Variants in HTRA4 observed in about 807,000 individuals in gnomAD.
HTRA4 encodes the protein HtrA serine peptidase 4, also known as serine protease HTRA4.
In HTRA4, 46 loss-of-function variants were observed where a neutral mutation model predicts 49.1. That is an observed-to-expected ratio of 0.94 (90% CI 0.74 to 1.20). The LOEUF is 1.20. HTRA4 is among the 50% of genes most tolerant of loss of function. The pLI is 0.00. For missense variants in HTRA4, 602 were observed against 636.9 expected (o/e 0.95, Z 0.59); for synonymous variants, 261 against 264.0 (o/e 0.99, Z 0.11).
chr8:38,978,906 A>T (rs1835385415), intron 4 of HTRA4, among the ~76,000 whole-genome samples: 1 of 151,592 alleles, frequency 6.6e-6, no homozygotes, highest in Non-Finnish European at 1.5e-5. Context: ...GAGGCAGGAG[A>T]ATCACTTGAA....
At chr8:38,987,081 A>G (rs1308512187) in intron 8 of HTRA4, among the ~76,000 whole-genome samples, 1 of 144,716 alleles carries the variant, frequency 6.9e-6, no homozygotes, top group East Asian at 2.0e-4. Flanking sequence ...GTCTCTTCAT[A>G]TCCTCTTGCG....
rs1446654600 is a variant in HTRA4, at chr8:38,988,181, G to T, written c.*83G>T. 3.1e-6 allele frequency: 4 copies of T among 1,283,176 alleles called. No homozygotes were observed. Among genetic ancestry groups the T allele is most frequent in the Non-Finnish European group, 4.1e-6 (4 of 966,122 alleles). The allele number at this position is 1,283,176 out of a possible 1,614,324, so 79.5% of individuals were successfully genotyped here. A position where few individuals can be genotyped will look rare whatever the true frequency, so the allele number is the denominator to read the frequency against. On this transcript the variant is annotated 3_prime_UTR_variant, in exon 9 of 9. Coordinates refer to ENST00000302495, the MANE Select transcript of HTRA4 (RefSeq NM_153692.4). The stretch of plus-strand genomic sequence containing the variant: ...TTTGTATTGGAGATGTGCCAAACAT[G>T]GCAAGAAGTTTTTGGATCTTTTTCT...
chr8:38,977,253 A>G (rs1192612679), intron 3 of HTRA4, among the ~76,000 whole-genome samples: 2 of 146,066 alleles, frequency 1.4e-5, no homozygotes, highest in Non-Finnish European at 3.0e-5. Flanking sequence ...GTTTCTATTA[A>G]CTATCAAGCA....
chr8:38,988,228 A>T lies in HTRA4; in HGVS notation c.*130A>T. On this transcript the variant is annotated 3_prime_UTR_variant, in exon 9 of 9. Transcript: ENST00000302495. Reference sequence around the variant, plus strand: ...TTCTTACAAAGAAAAATGGATGGTTATCAACCCAAATGCCCATCAATGACA... The same window carrying T: ...TTCTTACAAAGAAAAATGGATGGTTTTCAACCCAAATGCCCATCAATGACA... The T allele has an allele frequency of 1.3e-6, 1 of 751,744 alleles. No homozygotes were observed. The highest frequency in any genetic ancestry group is 2.1e-6 in the Non-Finnish European group (1 of 482,518). The allele number at this position is 751,744 out of a possible 1,614,324, so 46.6% of individuals were successfully genotyped here. A position where few individuals can be genotyped will look rare whatever the true frequency, so the allele number is the denominator to read the frequency against.
Position 38,988,221 on chromosome 8 carries a change from G to T in HTRA4, c.*123G>T. 1 of 866,008 alleles carries T rather than the reference G, an allele frequency of 1.2e-6. No individual in the cohort carries two copies. Among genetic ancestry groups the T allele is most frequent in the Non-Finnish European group, 1.7e-6 (1 of 586,028 alleles). 53.6% of individuals were successfully genotyped at this position (866,008 alleles called of 1,614,324 possible). ...GATCTTTTTCTTACAAAGAAAAATG[G>T]ATGGTTATCAACCCAAATGCCCATC... On this transcript the variant is annotated 3_prime_UTR_variant, in exon 9 of 9. Coordinates refer to ENST00000302495, the MANE Select transcript of HTRA4 (RefSeq NM_153692.4).
At chr8:38,986,505 G>A (rs1467082999) in intron 8 of HTRA4, among the ~76,000 whole-genome samples, 1 of 152,160 alleles carries the variant, frequency 6.6e-6, no homozygotes, top group Non-Finnish European at 1.5e-5. Context: ...CTGACCTCAG[G>A]TGATCCACAC....
chr8:38,982,913 A>C, intron 7 of HTRA4, 40 bp from the exon 8 acceptor site: 1 of 1,399,728 alleles, frequency 7.1e-7, no homozygotes, highest in Non-Finnish European at 1.0e-6. Context: ...AGGGCTCAGG[A>C]GACTAATTCA....
intron 8 of HTRA4, 46 bp downstream of exon 8, chr8:38,983,094 A>G (rs1158455618): frequency 3.1e-6 from 4 of 1,284,246 alleles, no homozygotes; most frequent in Non-Finnish European, 4.5e-6. Context: ...CTTTTTCTAA[A>G]TGTGTGCCAT....
chr8:38,978,792 C>T (rs564211871), intron 4 of HTRA4, among the ~76,000 whole-genome samples: 2 of 151,826 alleles, frequency 1.3e-5, no homozygotes, highest in South Asian at 2.1e-4. Flanking sequence ...GTCAGGCATT[C>T]GAGACCAGTC....
In HTRA4 at chr8:38,976,706, A is replaced by G. The variant is rs1835355914; in HGVS notation, c.738A>G (p.Lys246=). The G allele has an allele frequency of 6.2e-7, 1 of 1,614,136 alleles. No homozygotes were observed. Among genetic ancestry groups the G allele is most frequent in the Non-Finnish European group, 8.5e-7 (1 of 1,180,038 alleles). The part of the protein sequence containing the change: ...YEAVVKDIDL[K]LDLAVIKIES... The stretch of plus-strand genomic sequence containing the variant: ...CTGTTGTCAAGGATATTGACCTTAA[A>G]TTGGATCTTGCGGTGATTAAGATTG... The change falls in exon 3 of 9, where the codon AAA becomes AAG. Residue 246 remains lysine, a synonymous_variant. Transcript: ENST00000302495.
At position 38,974,676 on chromosome 8, in the gene HTRA4, G is replaced by A; in HGVS notation, c.413G>A (p.Arg138His). ...CGGGCCGAAAACCGCGCCGCGCGCC[G>A]CCTGGGCAAGGTCCCGGCCGTGCCT... ...ALRAENRAAR[R>H]LGKVPAVPVQ... is the part of the protein sequence containing the mutation. The change falls in exon 1 of 9, where the codon CGC becomes CAC. Residue 138 changes from arginine (R) to histidine (H), a missense_variant. Arg to His is a conservative substitution (Grantham distance 29). Transcript: ENST00000302495. The A allele has an allele frequency of 1.4e-6, 2 of 1,400,672 alleles. No individual in the cohort carries two copies. The highest frequency in any genetic ancestry group is 9.2e-7 in the Non-Finnish European group (1 of 1,087,368). 86.8% of individuals were successfully genotyped at this position (1,400,672 alleles called of 1,614,324 possible). A position where few individuals can be genotyped will look rare whatever the true frequency, so the allele number is the denominator to read the frequency against.
At chr8:38,982,828 C>A in intron 7 of HTRA4, 125 bp from the exon 8 acceptor site, 1 of 679,988 alleles carries the variant, frequency 1.5e-6, no homozygotes. Flanking sequence ...CTGTGATTAG[C>A]TTGATGGAAT....
chr8:38,987,184 C>G (rs1835491895), intron 8 of HTRA4, among the ~76,000 whole-genome samples: 1 of 152,168 alleles, frequency 6.6e-6, no homozygotes, highest in African/African-American at 2.4e-5. Context: ...AGTGGTGTCT[C>G]CTGGAGTCAT....
intron 3 of HTRA4, 59 bp downstream of exon 3, chr8:38,976,798 G>A: frequency 6.5e-7 from 1 of 1,528,336 alleles, no homozygotes; most frequent in Non-Finnish European, 9.0e-7. Context: ...TCTATTTGCT[G>A]ATATTTTCTG....
intron 2 of HTRA4, among the ~76,000 whole-genome samples, chr8:38,975,479 G>C (rs189576294): frequency 1.3e-5 from 2 of 152,152 alleles, no homozygotes; most frequent in Non-Finnish European, 2.9e-5. Flanking sequence ...GACAGATCAC[G>C]GCTCACTGCA....
rs1036434156 is a variant in HTRA4, at chr8:38,974,429, G to A, written c.166G>A (p.Ala56Thr). The A allele has an allele frequency of 7.1e-6, 11 of 1,548,928 alleles. No homozygotes were observed. The Admixed American group carries it at 1.9e-4, about 27-fold the overall frequency. ...GCGCTGCCCCGCGCTGCCCACCTGCGCGCTGGGGACCACGCCGGTGTTCGA... is the reference window on the plus strand; with the variant it reads ...GCGCTGCCCCGCGCTGCCCACCTGCACGCTGGGGACCACGCCGGTGTTCGA... ...PTRCPALPTC[A>T]LGTTPVFDLC... The change falls in exon 1 of 9, where the codon GCG becomes ACG. Residue 56 changes from alanine to threonine, a missense_variant. Ala to Thr is a moderately conservative substitution (Grantham distance 58). Coordinates refer to ENST00000302495, the MANE Select transcript of HTRA4 (RefSeq NM_153692.4).
chr8:38,987,862 AT>A, intron 8 of HTRA4, 73 bp from the exon 9 acceptor site: 1 of 1,333,228 alleles, frequency 7.5e-7, no homozygotes, highest in Non-Finnish European at 1.0e-6. Context: ...AGACAGAAAT[AT>A]TAAATTATAG....
chr8:38,976,676 T>C lies in HTRA4; in HGVS notation c.708T>C (p.Tyr236=), dbSNP rs1223481976. The C allele has an allele frequency of 6.8e-6, 11 of 1,614,220 alleles. No homozygotes were observed. The highest frequency in any genetic ancestry group is 9.3e-6 in the Non-Finnish European group (11 of 1,180,044). The change falls in exon 3 of 9, where the codon TAT becomes TAC. Residue 236 remains tyrosine (Y), a synonymous_variant. Transcript: ENST00000302495. ...TGGTGCTCCAGAATGGGGCCCGTTA[T>C]GAAGCTGTTGTCAAGGATATTGACC... ...IEVVLQNGAR[Y]EAVVKDIDLK...
intron 5 of HTRA4, among the ~76,000 whole-genome samples, chr8:38,981,043 A>C (rs897649156): frequency 2.0e-5 from 3 of 150,908 alleles, no homozygotes; most frequent in African/African-American, 7.3e-5. Flanking sequence ...TAACTTACTA[A>C]AGGAAAAAAA....
Sources: gnomAD v4.1 joint callset for allele counts (sites outside exome capture counted in the v4.1 genomes callset) on GRCh38, gnomAD v4.1.1 for gene constraint, MANE v1.5 for transcripts, NCBI Gene and HGNC (gene_info 2026-07-23, HGNC 2026-07-21) for gene names.